NMNAT2: variants seen among roughly 807,000 people sequenced by gnomAD.
NMNAT2 encodes nicotinamide/nicotinic acid mononucleotide adenylyltransferase 2.
A neutral mutation model predicts 41.6 loss-of-function variants in NMNAT2; 11 were observed. That is an observed-to-expected ratio of 0.26 (90% confidence interval 0.17 to 0.44). The LOEUF (loss-of-function observed/expected upper bound fraction) is 0.44, where lower values mean the gene tolerates loss of function less well. Ranked by LOEUF, NMNAT2 falls within the 20% of genes least tolerant of loss-of-function variation. NMNAT2 has a pLI of 1.00. For synonymous variants in NMNAT2, 148 were observed against 151.2 expected (o/e 0.98, Z 0.16); for missense variants, 288 against 407.7 (o/e 0.71, Z 2.53).
intron 1 of NMNAT2, among the ~76,000 whole-genome samples, chr1:183,415,349 T>C (rs1410590643): frequency 6.6e-6 from 1 of 152,168 alleles, no homozygotes; most frequent in Non-Finnish European, 1.5e-5. Context: ...TTAAAGCAAT[T>C]TAAAAGGAGG....
chr1:183,297,190 T>G (rs1348067635), intron 1 of NMNAT2, among the ~76,000 whole-genome samples: 1 of 151,510 alleles, frequency 6.6e-6, no homozygotes, highest in Non-Finnish European at 1.5e-5. Flanking sequence ...AATCTCACTG[T>G]GTATCCAGTG....
intron 1 of NMNAT2, among the ~76,000 whole-genome samples, chr1:183,381,448 C>A (rs928039000): frequency 2.6e-5 from 4 of 152,178 alleles, no homozygotes; most frequent in Admixed American, 2.6e-4. Context: ...GTAATCCCAG[C>A]ACTTTGGGAG....
chr1:183,386,577 T>C (rs533035894), intron 1 of NMNAT2, among the ~76,000 whole-genome samples: 7 of 152,300 alleles, frequency 4.6e-5, no homozygotes, highest in Non-Finnish European at 1.0e-4. Context: ...CGTCATTTTA[T>C]ATGAATTTTT....
intron 1 of NMNAT2, among the ~76,000 whole-genome samples, chr1:183,317,803 G>A (rs1662284609): frequency 6.6e-6 from 1 of 152,176 alleles, no homozygotes; most frequent in African/African-American, 2.4e-5. Context: ...TTTGACACTA[G>A]CAGAGGGAAA....
At chr1:183,314,051 G>A (rs972323671) in intron 1 of NMNAT2, among the ~76,000 whole-genome samples, 11 of 152,132 alleles carry the variant, frequency 7.2e-5, no homozygotes, top group African/African-American at 2.7e-4. Flanking sequence ...AATTCCATAT[G>A]AACAACAGAA....
chr1:183,413,570 T>A (rs989950150), intron 1 of NMNAT2, among the ~76,000 whole-genome samples: 2 of 152,014 alleles, frequency 1.3e-5, no homozygotes, highest in South Asian at 4.1e-4. Context: ...GAAATATGAT[T>A]TTTCTAAAGA....
At chr1:183,351,055 A>G (rs968275422) in intron 1 of NMNAT2, among the ~76,000 whole-genome samples, 2 of 152,156 alleles carry the variant, frequency 1.3e-5, no homozygotes, top group Admixed American at 6.5e-5. Flanking sequence ...TAGCCAATCT[A>G]TCGTCATTCA....
intron 7 of NMNAT2, among the ~76,000 whole-genome samples, chr1:183,281,571 CA>C (rs1661271070): frequency 6.6e-6 from 1 of 152,214 alleles, no homozygotes; most frequent in South Asian, 2.1e-4. Context: ...CGGTCTCTGC[CA>C]CCCTTTCTTG....
chr1:183,290,269 C>T (rs1661506719), intron 3 of NMNAT2, 63 bp from the exon 4 acceptor site: 15 of 1,352,076 alleles, frequency 1.1e-5, no homozygotes, highest in Non-Finnish European at 1.5e-5. Context: ...TTATTGTTAC[C>T]TTCCAAAAAT....
At chr1:183,279,414 C>T (rs1000707932) in intron 7 of NMNAT2, among the ~76,000 whole-genome samples, 7 of 152,210 alleles carry the variant, frequency 4.6e-5, no homozygotes, top group African/African-American at 1.7e-4. Flanking sequence ...CAGGGTGGAG[C>T]ACAGCGTGGC....
At chr1:183,317,950 G>C (rs1159735399) in intron 1 of NMNAT2, among the ~76,000 whole-genome samples, 1 of 152,232 alleles carries the variant, frequency 6.6e-6, no homozygotes, top group African/African-American at 2.4e-5. Flanking sequence ...TGCACCCACT[G>C]TGAGACACAA....
intron 1 of NMNAT2, among the ~76,000 whole-genome samples, chr1:183,417,670 C>T (rs1273767565): frequency 6.6e-6 from 1 of 152,230 alleles, no homozygotes; most frequent in African/African-American, 2.4e-5. Context: ...CGAAATTAAT[C>T]TTGAAGCCCC....
chr1:183,382,950 G>A (rs1260507071), intron 1 of NMNAT2, among the ~76,000 whole-genome samples: 1 of 152,166 alleles, frequency 6.6e-6, no homozygotes, highest in Non-Finnish European at 1.5e-5. Context: ...CTGTGTGGGG[G>A]CTCCAATCCC....
intron 1 of NMNAT2, among the ~76,000 whole-genome samples, chr1:183,300,755 C>T (rs928336226): frequency 6.6e-6 from 1 of 152,122 alleles, no homozygotes; most frequent in Non-Finnish European, 1.5e-5. Context: ...GTGTGCAAAC[C>T]CAGGCAGTGG....
chr1:183,301,154 T>C (rs1661840398), intron 1 of NMNAT2, among the ~76,000 whole-genome samples: 1 of 152,234 alleles, frequency 6.6e-6, no homozygotes. Context: ...CTCCTTACAT[T>C]TTGCACTAGA....
chr1:183,323,175 A>G lies in NMNAT2; in HGVS notation c.86-29382T>C, dbSNP rs865831661. Among the ~76,000 whole-genome samples, 1,355 of 151,982 alleles carry G rather than the reference A, an allele frequency of 8.9e-3. 20 individuals are homozygous for G. The highest frequency in any genetic ancestry group is 0.031 in the African/African-American group (1,291 of 41,472). ...TCGAACTCCTGACCTCAGGTGATCC[A>G]CCCGCCTCAGTCTCCCAAAGTGCTG... is the stretch of plus-strand genomic sequence containing the variant. On this transcript the variant is annotated intron_variant, in intron 1 of 10. Coordinates refer to ENST00000287713, the MANE Select transcript of NMNAT2 (RefSeq NM_015039.4).
chr1:183,418,182 C>T lies in NMNAT2; in HGVS notation c.85+1G>A. ...TTCCAGAGGTGGGCGGGAGGACTCA[C>T]CAAACATCTGAATGTGCCCTTTGGT... On this transcript the variant is annotated splice_donor_variant, in intron 1 of 10. Transcript: ENST00000287713. LOFTEE classifies it high-confidence loss of function. 6.2e-7 allele frequency: 1 copy of T among 1,613,932 alleles called. No homozygotes were observed. The highest frequency in any genetic ancestry group is 8.5e-7 in the Non-Finnish European group (1 of 1,179,910).
chr1:183,272,223 G>C (rs1400374736), intron 8 of NMNAT2, among the ~76,000 whole-genome samples: 1 of 152,214 alleles, frequency 6.6e-6, no homozygotes, highest in Admixed American at 6.5e-5. Flanking sequence ...GCTTCCCACA[G>C]TCCCTGATCC....
intron 1 of NMNAT2, among the ~76,000 whole-genome samples, chr1:183,396,907 G>C (rs1184927987): frequency 1.3e-5 from 2 of 152,170 alleles, no homozygotes; most frequent in African/African-American, 2.4e-5. Context: ...TGGATTTGCT[G>C]CCACTAACAT....
Sources: allele counts gnomAD v4.1 joint callset (sites outside exome capture counted in the v4.1 genomes callset), GRCh38; gene constraint gnomAD v4.1.1; transcripts MANE v1.5; gene names NCBI Gene and HGNC (gene_info 2026-07-23, HGNC 2026-07-21).